CSMD1: variants seen among roughly 807,000 people sequenced by gnomAD.
CSMD1 encodes the protein CUB and sushi domain-containing protein 1.
Under a neutral mutation model 417.5 loss-of-function variants are expected in CSMD1, and 213 were observed. That is an observed-to-expected ratio of 0.51 (90% CI 0.46 to 0.57). The LOEUF (loss-of-function observed/expected upper bound fraction) is 0.57, where lower values mean the gene tolerates loss of function less well. CSMD1 is among the 20% of genes least tolerant of loss of function. CSMD1 has a pLI of 0.00. For synonymous variants in CSMD1, 2,862 were observed against 1,736.8 expected, an observed-to-expected ratio of 1.65 and a Z score of -16.11; for missense variants, 6,923 against 4,529.7, an observed-to-expected ratio of 1.53 and a Z score of -15.17.
intron 12 of CSMD1, among the ~76,000 whole-genome samples, chr8:3,432,927 T>C (rs991886349): frequency 1.2e-4 from 18 of 152,194 alleles, no homozygotes; most frequent in African/African-American, 2.9e-4. Flanking sequence ...CTTCTAATCA[T>C]TGAAGAACAT....
At chr8:4,583,914 C>A (rs1799572441) in intron 2 of CSMD1, among the ~76,000 whole-genome samples, 1 of 152,086 alleles carries the variant, frequency 6.6e-6, no homozygotes, top group South Asian at 2.1e-4. Flanking sequence ...TGGGTCCACA[C>A]TGCTTTTATG....
intron 7 of CSMD1, among the ~76,000 whole-genome samples, chr8:3,634,592 A>T (rs559988164): frequency 6.6e-6 from 1 of 152,246 alleles, no homozygotes; most frequent in Non-Finnish European, 1.5e-5. Context: ...CATGCACATA[A>T]TGACCTTCCT....
At chr8:4,015,464 C>A (rs999753435) in intron 4 of CSMD1, among the ~76,000 whole-genome samples, 1 of 151,950 alleles carries the variant, frequency 6.6e-6, no homozygotes, top group African/African-American at 2.4e-5. Context: ...AGTCACATTA[C>A]GTAAGGCTTA....
At chr8:4,761,610 T>TA (rs1812073308) in intron 1 of CSMD1, among the ~76,000 whole-genome samples, 1 of 152,100 alleles carries the variant, frequency 6.6e-6, no homozygotes, top group Non-Finnish European at 1.5e-5. Context: ...ATAAACCATT[T>TA]ATCTTTAACA....
At chr8:4,071,217 G>C (rs1242829375) in intron 3 of CSMD1, among the ~76,000 whole-genome samples, 1 of 151,702 alleles carries the variant, frequency 6.6e-6, no homozygotes, top group Non-Finnish European at 1.5e-5. Context: ...CGGAGTTTCA[G>C]CTAAACGTCT....
intron 3 of CSMD1, among the ~76,000 whole-genome samples, chr8:4,248,537 G>C (rs1409460287): frequency 1.3e-5 from 2 of 152,156 alleles, no homozygotes; most frequent in African/African-American, 4.8e-5. Context: ...TTTAGGTTTT[G>C]CCATAGACAC....
intron 3 of CSMD1, among the ~76,000 whole-genome samples, chr8:4,386,212 T>C (rs1584994730): frequency 6.6e-6 from 1 of 151,990 alleles, no homozygotes; most frequent in African/African-American, 2.4e-5. Flanking sequence ...TCCCTGGTTA[T>C]GACTTCCATC....
At chr8:4,120,753 T>C (rs1190744074) in intron 3 of CSMD1, among the ~76,000 whole-genome samples, 1 of 152,188 alleles carries the variant, frequency 6.6e-6, no homozygotes, top group Non-Finnish European at 1.5e-5. Flanking sequence ...GAATGTGTCT[T>C]AGAGGACACC....
intron 7 of CSMD1, among the ~76,000 whole-genome samples, chr8:3,701,804 C>T (rs912641305): frequency 6.6e-6 from 1 of 152,084 alleles, no homozygotes; most frequent in Non-Finnish European, 1.5e-5. Flanking sequence ...AACAGAGATA[C>T]AAGTTTTAAA....
intron 2 of CSMD1, among the ~76,000 whole-genome samples, chr8:4,433,066 A>G (rs1044543661): frequency 9.9e-5 from 15 of 152,278 alleles, no homozygotes; most frequent in South Asian, 2.1e-4. Context: ...CACACTCTTT[A>G]TAACTATCCA....
intron 5 of CSMD1, among the ~76,000 whole-genome samples, chr8:3,921,704 C>A (rs1028262983): frequency 3.9e-5 from 6 of 152,116 alleles, no homozygotes; most frequent in African/African-American, 1.4e-4. Flanking sequence ...TAATTTTCCT[C>A]CTCTCCCTGA....
At chr8:3,708,609 T>C (rs1801314523) in intron 6 of CSMD1, 118 bp from the exon 7 acceptor site, 1 of 784,186 alleles carries the variant, frequency 1.3e-6, no homozygotes, top group Admixed American at 2.1e-5. Context: ...AAATGGGAAA[T>C]GTTCTAAGAG....
At chr8:4,498,944 G>C (rs888148354) in intron 2 of CSMD1, among the ~76,000 whole-genome samples, 1 of 151,904 alleles carries the variant, frequency 6.6e-6, no homozygotes, top group African/African-American at 2.4e-5. Context: ...CATGGCCAGT[G>C]GTTCTATACA....
chr8:4,978,081 A>T (rs578250616), intron 1 of CSMD1, among the ~76,000 whole-genome samples: 1 of 152,298 alleles, frequency 6.6e-6, no homozygotes, highest in African/African-American at 2.4e-5. Context: ...AGAAGTGTGT[A>T]TCTCGATCAT....
At chr8:4,225,569 G>A (rs890181452) in intron 3 of CSMD1, among the ~76,000 whole-genome samples, 3 of 149,286 alleles carry the variant, frequency 2.0e-5, no homozygotes, top group Non-Finnish European at 3.0e-5. Context: ...GCTGTTAAGA[G>A]CCTAAATACA....
chr8:4,688,127 A>T (rs1020700033), intron 1 of CSMD1, among the ~76,000 whole-genome samples: 4 of 152,000 alleles, frequency 2.6e-5, no homozygotes, highest in African/African-American at 9.7e-5. Flanking sequence ...GGATTGTATG[A>T]GGTATTTGAT....
chr8:3,311,164 C>CTATAGT (rs1346048856), intron 23 of CSMD1, among the ~76,000 whole-genome samples: 6 of 152,172 alleles, frequency 3.9e-5, no homozygotes, highest in African/African-American at 1.4e-4. Context: ...TTACCTTGGC[C>CTATAGT]TATAGTTGTG....
intron 17 of CSMD1, among the ~76,000 whole-genome samples, chr8:3,392,617 C>T (rs1043244513): frequency 6.6e-6 from 1 of 152,066 alleles, no homozygotes; most frequent in Non-Finnish European, 1.5e-5. Flanking sequence ...CGTCTGCCTT[C>T]ACCTTATTCA....
At chr8:4,386,097 C>T (rs1489062645) in intron 3 of CSMD1, among the ~76,000 whole-genome samples, 3 of 152,160 alleles carry the variant, frequency 2.0e-5, no homozygotes, top group East Asian at 1.9e-4. Flanking sequence ...TCTCGCTGTA[C>T]CCAGAATCTT....
Sources: allele counts gnomAD v4.1 joint callset (sites outside exome capture counted in the v4.1 genomes callset), GRCh38; gene constraint gnomAD v4.1.1; transcripts MANE v1.5; gene names NCBI Gene and HGNC (gene_info 2026-07-23, HGNC 2026-07-21).